The following DAG1 variants were observed in gnomAD, a reference collection of about 807,000 sequenced individuals.
The protein encoded by DAG1 is dystroglycan 1 (dystrophin-associated glycoprotein 1).
In DAG1, 8 loss-of-function variants were observed where a neutral mutation model predicts 46.1. The ratio of observed to expected loss-of-function variants is 0.17; its 90% confidence interval spans 0.10 to 0.31. DAG1 has a LOEUF of 0.31. DAG1 is among the 10% of genes least tolerant of loss of function. The pLI, the probability that DAG1 is intolerant of heterozygous loss-of-function variation, is 1.00. For missense variants in DAG1, 1,003 were observed against 1,189.9 expected (o/e 0.84, Z 2.31); for synonymous variants, 495 against 481.8 (o/e 1.03, Z -0.36).
chr3:49,483,782 C>G (rs1305349368), intron 1 of DAG1, among the ~76,000 whole-genome samples: 1 of 152,120 alleles, frequency 6.6e-6, no homozygotes, highest in East Asian at 1.9e-4. Flanking sequence ...TCAAGCAATC[C>G]TCCCACCTCA....
In DAG1 at chr3:49,528,275, A is replaced by ATTTTTTTTTTTTTTTTTTTT. The variant is rs147292984; in HGVS notation, c.286-2514_286-2495dup. Among the ~76,000 whole-genome samples the ATTTTTTTTTTTTTTTTTTTT allele has an allele frequency of 1.2e-3, 77 of 66,628 alleles. 15 individuals are homozygous for ATTTTTTTTTTTTTTTTTTTT. Among genetic ancestry groups the ATTTTTTTTTTTTTTTTTTTT allele is most frequent in the African/African-American group, 1.7e-3 (25 of 14,514 alleles). The allele number at this position is 66,628 out of a possible 152,430, so 43.7% of individuals were successfully genotyped here. A position where few individuals can be genotyped will look rare whatever the true frequency, so the allele number is the denominator to read the frequency against. ...CAGCCAAAACATTTGAAATAGTGTG[A>ATTTTTTTTTTTTTTTTTTTT]TTTTTTTTTTTTTTTTTTTTTTTTT... On this transcript the variant is annotated intron_variant, in intron 2 of 2. Coordinates refer to ENST00000308775, the MANE Select transcript of DAG1 (RefSeq NM_004393.6).
intron 1 of DAG1, among the ~76,000 whole-genome samples, chr3:49,479,304 G>A (rs1287089874): frequency 6.8e-6 from 1 of 147,956 alleles, no homozygotes; most frequent in Non-Finnish European, 1.5e-5. Flanking sequence ...TACCAAGTTT[G>A]AGTATAGATT....
chr3:49,511,106 C>T (rs763821702), intron 2 of DAG1: 26 of 450,122 alleles, frequency 5.8e-5, no homozygotes, highest in Admixed American at 1.3e-4. Flanking sequence ...AGGTCTGTCA[C>T]GTGTATAGGG....
intron 1 of DAG1, among the ~76,000 whole-genome samples, chr3:49,478,128 G>A (rs776502221): frequency 6.6e-6 from 1 of 151,726 alleles, no homozygotes; most frequent in Middle Eastern, 3.2e-3. Flanking sequence ...TTAGCCAGGC[G>A]TGGTGGTGTG....
At chr3:49,489,702 T>G (rs2050132354) in intron 1 of DAG1, among the ~76,000 whole-genome samples, 1 of 152,208 alleles carries the variant, frequency 6.6e-6, no homozygotes, top group East Asian at 1.9e-4. Context: ...CCCAAGTCAC[T>G]TTTAAAACAA....
chr3:49,489,953 T>TA, intron 1 of DAG1, among the ~76,000 whole-genome samples: 1 of 152,248 alleles, frequency 6.6e-6, no homozygotes, highest in South Asian at 2.1e-4. Flanking sequence ...TTACAGAGCT[T>TA]ACCTGCTGAC....
At position 49,493,909 on chromosome 3, in the gene DAG1, C is replaced by T. The variant is rs902065598; in HGVS notation, c.-116-16510C>T. The stretch of plus-strand genomic sequence containing the variant: ...CTGTAGCTTTGCAGAGCAGGGATTG[C>T]GAGAATGGAAGAATGTCTTTTGGCT... On this transcript the variant is annotated intron_variant, in intron 1 of 2. Coordinates refer to ENST00000308775, the MANE Select transcript of DAG1 (RefSeq NM_004393.6). Among the ~76,000 whole-genome samples the T allele has an allele frequency of 7.2e-5, 11 of 152,268 alleles. No individual in the cohort carries two copies. In the East Asian group the frequency reaches 1.7e-3, roughly 24 times the overall value.
Position 49,531,356 on chromosome 3 carries a change from G to A in DAG1, c.845G>A (p.Arg282Lys), listed in dbSNP as rs2051339024. 1 of 1,614,196 alleles carries A rather than the reference G, an allele frequency of 6.2e-7. No homozygotes were observed. The highest frequency in any genetic ancestry group is 2.2e-5 in the East Asian group (1 of 44,886). ...ATTCATGGTGTAGAGGCCCCTGCCA[G>A]GGAGGGCGCAATGTCTGCTCAGCTT... is the stretch of plus-strand genomic sequence containing the variant. ...PDIHGVEAPA[R>K]EGAMSAQLGY... The change falls in exon 3 of 3, where the codon AGG becomes AAG. Residue 282 changes from arginine to lysine, a missense_variant. Around this residue, in one of 3 missense-constraint regions of DAG1, gnomAD observed 755 missense variants for 854.1 expected, o/e 0.88. Coordinates refer to ENST00000308775, the MANE Select transcript of DAG1 (RefSeq NM_004393.6). This position sits in a 1 kb window ranked among gnomAD's most constrained non-coding sequence, Gnocchi z 7.0.
At chr3:49,529,167 T>A (rs1310037113) in intron 2 of DAG1, among the ~76,000 whole-genome samples, 1 of 152,062 alleles carries the variant, frequency 6.6e-6, no homozygotes, top group East Asian at 1.9e-4. Flanking sequence ...TAATAATTCC[T>A]AACAATGTCA....
At chr3:49,490,277 C>T (rs1011021489) in intron 1 of DAG1, among the ~76,000 whole-genome samples, 49 of 151,532 alleles carry the variant, frequency 3.2e-4, no homozygotes, top group African/African-American at 1.1e-3. Context: ...GATGTGGACC[C>T]GGGAGGTGGA....
At position 49,532,323 on chromosome 3, in the gene DAG1, T is replaced by A. The variant is rs2107944571; in HGVS notation, c.1812T>A (p.Ala604=). ...ACAGGCGCCCCCAAGGGGATAGGGC[T>A]CCTGCAAGGTTCAAGGCCAAGTTTG... ...HVHRRPQGDR[A]PARFKAKFVG... is the part of the protein sequence containing the mutation. Residue 604 remains alanine (A), a synonymous_variant, in exon 3 of 3, where the codon GCT becomes GCA. Transcript: ENST00000308775. This position sits in a 1 kb window ranked among gnomAD's most constrained non-coding sequence, Gnocchi z 5.4. 6.2e-7 allele frequency: 1 copy of A among 1,614,158 alleles called. No homozygotes were observed. Among genetic ancestry groups the A allele is most frequent in the Admixed American group, 1.7e-5 (1 of 60,026 alleles).
At position 49,532,075 on chromosome 3, in the gene DAG1, A is replaced by G; in HGVS notation, c.1564A>G (p.Thr522Ala). ...TYFEVKIPSD[T>A]FYDHEDTTTD... ...CTTTGAGGTGAAGATCCCGTCAGAC[A>G]CTTTCTATGACCATGAGGACACCAC... Residue 522 changes from threonine (T) to alanine (A), a missense_variant, in exon 3 of 3, where the codon ACT becomes GCT. By Grantham distance (58) the Thr-to-Ala change is moderately conservative. This residue lies in a region of DAG1 where 755 missense variants were observed against 854.1 expected (regional missense o/e 0.88). Coordinates refer to ENST00000308775, the MANE Select transcript of DAG1 (RefSeq NM_004393.6). The surrounding 1 kb of genome is among the most constrained non-coding windows in gnomAD (Gnocchi z 5.4). The G allele has an allele frequency of 1.2e-6, 2 of 1,614,168 alleles. No homozygotes were observed. Among genetic ancestry groups the G allele is most frequent in the Non-Finnish European group, 1.7e-6 (2 of 1,180,028 alleles).
chr3:49,484,375 T>TTA (rs1301597263), intron 1 of DAG1, among the ~76,000 whole-genome samples: 1 of 152,044 alleles, frequency 6.6e-6, no homozygotes, highest in Non-Finnish European at 1.5e-5. Context: ...GGGACCCCTG[T>TTA]CTCTTCAGAG....
At chr3:49,516,482 CTTG>C (rs953909819) in intron 2 of DAG1, among the ~76,000 whole-genome samples, 1 of 152,258 alleles carries the variant, frequency 6.6e-6, no homozygotes, top group Non-Finnish European at 1.5e-5. Flanking sequence ...CAAATGACTT[CTTG>C]TTGTATTTTC....
At chr3:49,482,628 G>A (rs781317523) in intron 1 of DAG1, among the ~76,000 whole-genome samples, 16 of 152,088 alleles carry the variant, frequency 1.1e-4, no homozygotes, top group Non-Finnish European at 1.6e-4. Flanking sequence ...TAATTATGAC[G>A]TAGATTCTAT....
chr3:49,494,638 ATT>A (rs879895429), intron 1 of DAG1, among the ~76,000 whole-genome samples: 3 of 144,580 alleles, frequency 2.1e-5, no homozygotes. Context: ...TATTATTATT[ATT>A]TTTTTTTTTT....
At chr3:49,496,175 T>A (rs1464930742) in intron 1 of DAG1, among the ~76,000 whole-genome samples, 1 of 151,992 alleles carries the variant, frequency 6.6e-6, no homozygotes, top group Admixed American at 6.6e-5. Context: ...ATACATAACA[T>A]AAAGATGGTG....
intron 1 of DAG1, among the ~76,000 whole-genome samples, chr3:49,508,958 A>G (rs1230016991): frequency 1.3e-5 from 2 of 152,194 alleles, no homozygotes; most frequent in Non-Finnish European, 2.9e-5. Flanking sequence ...TTGACACTTC[A>G]TCCCTAAGTA....
intron 1 of DAG1, among the ~76,000 whole-genome samples, chr3:49,476,103 C>G (rs544269008): frequency 3.3e-5 from 5 of 152,122 alleles, no homozygotes; most frequent in Admixed American, 2.0e-4. Context: ...CTGAGGGTGT[C>G]AAAGTTGGTG....
Sources: gnomAD v4.1 joint callset for allele counts (sites outside exome capture counted in the v4.1 genomes callset) on GRCh38, gnomAD v4.1.1 for gene constraint, gnomAD v4.1.1 regional missense constraint, Gnocchi (gnomAD v3.1) non-coding constraint, MANE v1.5 for transcripts, NCBI Gene and HGNC (gene_info 2026-07-23, HGNC 2026-07-21) for gene names.